Variants in FSD1L observed in about 807,000 individuals in gnomAD.
The protein encoded by FSD1L is FSD1-like protein.
A neutral mutation model predicts 71.6 loss-of-function variants in FSD1L; 45 were observed. The observed-to-expected ratio is 0.63, with a 90% confidence interval of 0.49 to 0.81. The LOEUF (loss-of-function observed/expected upper bound fraction) is 0.81. Among genes scored for constraint, FSD1L ranks in the 30% least tolerant of loss-of-function variants. FSD1L has a pLI of 0.00. For synonymous variants in FSD1L, 197 were observed against 207.2 expected, an observed-to-expected ratio of 0.95 and a Z score of 0.42; for missense variants, 561 against 618.1, an observed-to-expected ratio of 0.91 and a Z score of 0.98.
chr9:105,488,597 CT>C (rs1247644516), intron 7 of FSD1L, among the ~76,000 whole-genome samples: 1 of 152,130 alleles, frequency 6.6e-6, no homozygotes, highest in African/African-American at 2.4e-5. Flanking sequence ...ACCAAACTGT[CT>C]TCCTAAGTGT....
Position 105,535,136 on chromosome 9 carries a change from G to A in FSD1L, c.1196G>A (p.Ser399Asn). 1 of 1,551,870 alleles carries A rather than the reference G, an allele frequency of 6.4e-7. No homozygotes were observed. Among genetic ancestry groups the A allele is most frequent in the East Asian group, 2.4e-5 (1 of 40,908 alleles). ...VKAQKDCKSYSVGVAYKTLGK... is the reference protein window; with the variant it reads ...VKAQKDCKSYNVGVAYKTLGK... The stretch of plus-strand genomic sequence containing the variant: ...GCCCAGAAGGATTGTAAATCCTACA[G>A]TGTGGGAGTAGCATACAAAACGTTG... The change falls in exon 12 of 14, where the codon AGT (serine) becomes AAT (asparagine). Residue 399 changes from serine (S) to asparagine (N), a missense_variant. This residue lies in a region of FSD1L where 53 missense variants were observed against 102.2 expected (regional missense o/e 0.52). Transcript: ENST00000481272.
intron 7 of FSD1L, among the ~76,000 whole-genome samples, chr9:105,497,683 A>G (rs769514400): frequency 3.3e-5 from 5 of 152,186 alleles, no homozygotes; most frequent in Non-Finnish European, 7.3e-5. Flanking sequence ...TTTAATGTCC[A>G]TGGGATCTTT....
Position 105,512,886 on chromosome 9 carries a change from T to C in FSD1L, c.975T>C (p.Thr325=). ...ATACATGTGTAGAGTGGGATCCTACTGGAGGAAAAGGTCAAGAAAGTAAAA... is the reference window on the plus strand; with the variant it reads ...ATACATGTGTAGAGTGGGATCCTACCGGAGGAAAAGGTCAAGAAAGTAAAA... ...VEDTCVEWDP[T]GGKGQESKIK... Residue 325 remains threonine, a synonymous_variant, in exon 10 of 14, where the codon ACT becomes ACC. Coordinates refer to ENST00000481272, the MANE Select transcript of FSD1L (RefSeq NM_001145313.3). The C allele has an allele frequency of 6.5e-7, 1 of 1,542,552 alleles. No homozygotes were observed. The highest frequency in any genetic ancestry group is 8.8e-7 in the Non-Finnish European group (1 of 1,142,714).
intron 10 of FSD1L, among the ~76,000 whole-genome samples, chr9:105,530,201 T>C (rs2768296): frequency 0.13 from 19,138 of 152,138 alleles, 1,539 homozygotes; most frequent in Admixed American, 0.23. Context: ...AAGAAATTAT[T>C]TGGGAAGCTG....
At chr9:105,494,780 G>C (rs1160064720) in intron 7 of FSD1L, among the ~76,000 whole-genome samples, 1 of 152,184 alleles carries the variant, frequency 6.6e-6, no homozygotes, top group Non-Finnish European at 1.5e-5. Context: ...GACCCTGTTT[G>C]CCTGGGTACC....
At position 105,464,345 on chromosome 9, in the gene FSD1L, A is replaced by G. The variant is rs763243174; in HGVS notation, c.207+14A>G. 3.8e-5 allele frequency: 50 copies of G among 1,327,918 alleles called. No individual in the cohort carries two copies. The highest frequency in any genetic ancestry group is 9.1e-5 in the African/African-American group (6 of 66,270). 82.3% of individuals were successfully genotyped at this position (1,327,918 alleles called of 1,614,324 possible). ...AAAGGAGTTCAGGTATGATTGTTTT[A>G]TGAAAAATTTTGTGTAAATATGTCA... On this transcript the variant is annotated intron_variant, in intron 3 of 13. Coordinates refer to ENST00000481272, the MANE Select transcript of FSD1L (RefSeq NM_001145313.3).
chr9:105,508,656 G>T lies in FSD1L; in HGVS notation c.836G>T (p.Arg279Leu). The T allele has an allele frequency of 1.9e-6, 3 of 1,551,518 alleles. No homozygotes were observed. In the South Asian group the frequency reaches 3.6e-5, roughly 18 times the overall value. ...TCAAAGTATATGAATTTCAGAGTGC[G>T]AGCTTGTAACAAGGCTGTGGCTGGA... is the stretch of plus-strand genomic sequence containing the variant. Reference protein sequence around the residue: ...FDSKYMNFRVRACNKAVAGEY... With the variant: ...FDSKYMNFRVLACNKAVAGEY... The change falls in exon 9 of 14, where the codon CGA (arginine) becomes CTA (leucine). Residue 279 changes from arginine (R) to leucine (L), a missense_variant. By Grantham distance (102) the Arg-to-Leu change is moderately radical. Transcript: ENST00000481272.
intron 10 of FSD1L, chr9:105,513,514 C>A: frequency 3.6e-6 from 4 of 1,113,626 alleles, no homozygotes; most frequent in South Asian, 1.5e-5. Context: ...AATTCCTCAG[C>A]AGGCCTTTAA....
rs909604579 is a variant in FSD1L at position 105,471,726 on chromosome 9, A to T, written c.340-178A>T. On this transcript the variant is annotated intron_variant, in intron 4 of 13. Transcript: ENST00000481272. Reference sequence around the variant, plus strand: ...ATATATAAAAAAAATAACACGTTTTATATATATATATATATATATAACTTG... The same window carrying T: ...ATATATAAAAAAAATAACACGTTTTTTATATATATATATATATATAACTTG... Among the ~76,000 whole-genome samples the T allele has an allele frequency of 6.6e-3, 762 of 115,618 alleles. 9 individuals carry two copies. Among genetic ancestry groups the T allele is most frequent in the African/African-American group, 0.032 (729 of 22,926 alleles). The allele number at this position is 115,618 out of a possible 152,430, so 75.8% of individuals were successfully genotyped here. A position where few individuals can be genotyped will look rare whatever the true frequency, so the allele number is the denominator to read the frequency against.
At chr9:105,500,541 G>A (rs764318190) in intron 7 of FSD1L, 4 of 152,138 alleles carry the variant, frequency 2.6e-5, no homozygotes, top group Non-Finnish European at 5.9e-5. Context: ...ATTAGACTAT[G>A]ATTAAATAGT....
rs375189616 is a variant in FSD1L at position 105,476,928 on chromosome 9, A to G, written c.442-2426A>G. ...ACAATATATATGCAGTAAAATTTGA[A>G]CCTAAATGAAAGTGGAGCCATGGGA... On this transcript the variant is annotated intron_variant, in intron 5 of 13. Transcript: ENST00000481272. 7.2e-5 allele frequency among the ~76,000 whole-genome samples: 11 copies of G among 152,280 alleles called. No homozygotes were observed. In the East Asian group the frequency reaches 1.3e-3, roughly 19 times the overall value.
intron 10 of FSD1L, among the ~76,000 whole-genome samples, chr9:105,534,284 G>A (rs979957059): frequency 1.3e-5 from 2 of 151,894 alleles, no homozygotes; most frequent in Non-Finnish European, 2.9e-5. Flanking sequence ...AGTGTTTTCA[G>A]CCTGCTTTGT....
chr9:105,458,754 G>A (rs1830507633), intron 1 of FSD1L, among the ~76,000 whole-genome samples: 1 of 152,202 alleles, frequency 6.6e-6, no homozygotes, highest in Admixed American at 6.5e-5. Flanking sequence ...TGGCCTGAAG[G>A]TCAGGTTTCA....
intron 13 of FSD1L, 90 bp from the exon 14 acceptor site, chr9:105,546,268 T>C (rs1836997972): frequency 8.7e-7 from 1 of 1,144,190 alleles, no homozygotes; most frequent in African/African-American, 1.6e-5. Flanking sequence ...TGTTCATATG[T>C]GTGGCATTTT....
At position 105,539,305 on chromosome 9, in the gene FSD1L, A is replaced by G; in HGVS notation, c.1421A>G (p.Tyr474Cys). 1.3e-6 allele frequency: 2 copies of G among 1,513,426 alleles called. No individual in the cohort carries two copies. The highest frequency in any genetic ancestry group is 1.8e-6 in the Non-Finnish European group (2 of 1,123,316). The allele number at this position is 1,513,426 out of a possible 1,614,324, so 93.7% of individuals were successfully genotyped here. ...GATGCAAATTCTAAACAGTTGCTATATTCCTTTAAGACAAAATTTACTCAG... is the reference window on the plus strand; with the variant it reads ...GATGCAAATTCTAAACAGTTGCTATGTTCCTTTAAGACAAAATTTACTCAG... ...FYDANSKQLL[Y>C]SFKTKFTQPV... is the part of the protein sequence containing the mutation. The change falls in exon 13 of 14, where the codon TAT (tyrosine) becomes TGT (cysteine). Residue 474 changes from tyrosine to cysteine, a missense_variant. By Grantham distance (194) the Tyr-to-Cys change is radical (BLOSUM62 -2). Around this residue, in one of 3 missense-constraint regions of FSD1L, gnomAD observed 98 missense variants for 102.3 expected, o/e 0.96. Coordinates refer to ENST00000481272, the MANE Select transcript of FSD1L (RefSeq NM_001145313.3).
At chr9:105,524,202 G>A (rs1038847955) in intron 10 of FSD1L, 2 of 1,612,250 alleles carry the variant, frequency 1.2e-6, no homozygotes, top group Non-Finnish European at 1.7e-6. Flanking sequence ...AATTAAGGAA[G>A]CTCTGAATGT....
In FSD1L at chr9:105,507,305, T is replaced by G. The variant is rs559296563; in HGVS notation, c.796+697T>G. Among the ~76,000 whole-genome samples, 8 of 152,338 alleles carry G rather than the reference T, an allele frequency of 5.3e-5. No individual in the cohort carries two copies. The South Asian group carries it at 1.7e-3, about 32-fold the overall frequency. ...TTTATAAGAATGTCTCAGTATATAGTGGACTTTGGATATTTGAAATGGCAA... is the reference window on the plus strand; with the variant it reads ...TTTATAAGAATGTCTCAGTATATAGGGGACTTTGGATATTTGAAATGGCAA... On this transcript the variant is annotated intron_variant, in intron 8 of 13. Transcript: ENST00000481272.
In FSD1L at chr9:105,465,748, A is replaced by T. The variant is rs139219683; in HGVS notation, c.207+1417A>T. Among the ~76,000 whole-genome samples, 63 of 152,362 alleles carry T rather than the reference A, an allele frequency of 4.1e-4. 1 individual carries two copies. The East Asian group carries it at 9.8e-3, about 24-fold the overall frequency. On this transcript the variant is annotated intron_variant, in intron 3 of 13. Transcript: ENST00000481272. ...TCTCAACAAATTAGGTGTAGAAGGA[A>T]TGTACCACAACACAGTAAAGGCCAT... is the stretch of plus-strand genomic sequence containing the variant.
intron 4 of FSD1L, among the ~76,000 whole-genome samples, chr9:105,471,613 G>A (rs1003520350): frequency 6.6e-6 from 1 of 151,430 alleles, no homozygotes; most frequent in African/African-American, 2.4e-5. Context: ...TAAATGATGA[G>A]TGTATCTTTA....
Sources: gnomAD v4.1 joint callset for allele counts (sites outside exome capture counted in the v4.1 genomes callset) on GRCh38, gnomAD v4.1.1 for gene constraint, gnomAD v4.1.1 regional missense constraint, MANE v1.5 for transcripts, NCBI Gene and HGNC (gene_info 2026-07-23, HGNC 2026-07-21) for gene names.